FBRS: variants seen among roughly 807,000 people sequenced by gnomAD.
FBRS encodes fibrosin, also known as probable fibrosin-1.
FBRS carries 15 observed loss-of-function variants against 86.1 expected under a neutral mutation model. The ratio of observed to expected loss-of-function variants is 0.17; its 90% confidence interval spans 0.12 to 0.27. The LOEUF (loss-of-function observed/expected upper bound fraction) is 0.27, where lower values mean the gene tolerates loss of function less well. FBRS is among the 10% of genes least tolerant of loss of function. The pLI is 1.00. For missense variants in FBRS, 1,367 were observed against 1,301.6 expected, an observed-to-expected ratio of 1.05 and a Z score of -0.77; for synonymous variants, 666 against 575.8, an observed-to-expected ratio of 1.16 and a Z score of -2.24.
Position 30,669,325 on chromosome 16 carries a change from C to A in FBRS, c.2623C>A (p.Arg875Ser). The A allele has an allele frequency of 1.9e-6, 3 of 1,610,758 alleles. No individual in the cohort carries two copies. Among genetic ancestry groups the A allele is most frequent in the South Asian group, 2.2e-5 (2 of 90,954 alleles). Residue 875 changes from arginine to serine, a missense_variant, in exon 18 of 18, where the codon CGC becomes AGC. Arg to Ser is a moderately radical substitution (Grantham distance 110). Coordinates refer to ENST00000356166, the MANE Select transcript of FBRS (RefSeq NM_001105079.3). This position sits in a 1 kb window ranked among gnomAD's most constrained non-coding sequence, Gnocchi z 5.9. ...PPFLGPSPPD[R>S]CAGFLEPTWL... The stretch of plus-strand genomic sequence containing the variant: ...GTTTCTGGGCCCTAGCCCACCAGAT[C>A]GCTGTGCTGGCTTCCTGGAGCCAAC...
At position 30,659,965 on chromosome 16, in the gene FBRS, C is replaced by T; in HGVS notation, c.447C>T (p.Leu149=). 6.5e-7 allele frequency: 1 copy of T among 1,549,910 alleles called. No homozygotes were observed. Among genetic ancestry groups the T allele is most frequent in the Non-Finnish European group, 8.7e-7 (1 of 1,146,798 alleles). Residue 149 remains leucine, a synonymous_variant, in exon 1 of 18, where the codon CTC becomes CTT. Coordinates refer to ENST00000356166, the MANE Select transcript of FBRS (RefSeq NM_001105079.3). ...TCGCCATCGCCAGCTTCGCCACCCT[C>T]GAGGCCTTGCAGGTGGGGCCTAATG... The part of the protein sequence containing the change: ...DGFAIASFAT[L]EALQKDASLQ...
At chr16:30,662,148 TTTTGG>T in intron 4 of FBRS, 1 of 450,008 alleles carries the variant, frequency 2.2e-6, no homozygotes, top group Non-Finnish European at 4.0e-6. Context: ...ACCTCTGACG[TTTTGG>T]TTTGGTTTGC....
chr16:30,670,367 C>T lies in FBRS; in HGVS notation c.*722C>T. The T allele has an allele frequency of 8.2e-6, 3 of 363,798 alleles. No individual in the cohort carries two copies. Among genetic ancestry groups the T allele is most frequent in the South Asian group, 4.1e-5 (2 of 48,912 alleles). 22.5% of individuals were successfully genotyped at this position (363,798 alleles called of 1,614,324 possible). On this transcript the variant is annotated 3_prime_UTR_variant, in exon 18 of 18. Transcript: ENST00000356166. ...GGGCAGAAGCTTCCTACTTGGCTGA[C>T]AGCCCCGGTTCCCCCAACATGTTCC...
Position 30,664,274 on chromosome 16 carries a change from C to T in FBRS, c.1115C>T (p.Ser372Leu). 6.7e-7 allele frequency: 1 copy of T among 1,487,782 alleles called. No individual in the cohort carries two copies. The highest frequency in any genetic ancestry group is 9.0e-7 in the Non-Finnish European group (1 of 1,109,148). The allele number at this position is 1,487,782 out of a possible 1,614,324, so 92.2% of individuals were successfully genotyped here. ...APPVAQPPPS[S>L]SSSSSSSSSA... ...CCCGTGGCTCAGCCTCCCCCCTCAT[C>T]ATCCTCTTCGTCCTCCTCCTCCTCA... The change falls in exon 7 of 18, where the codon TCA becomes TTA. Residue 372 changes from serine to leucine, a missense_variant. Physicochemically the swap from Ser to Leu is moderately radical, Grantham distance 145. Coordinates refer to ENST00000356166, the MANE Select transcript of FBRS (RefSeq NM_001105079.3).
chr16:30,662,692 G>A lies in FBRS; in HGVS notation c.888G>A (p.Lys296=). The A allele has an allele frequency of 1.3e-6, 2 of 1,549,220 alleles. No homozygotes were observed. Among genetic ancestry groups the A allele is most frequent in the Non-Finnish European group, 1.7e-6 (2 of 1,146,170 alleles). ...CGCTGCTAGTGCCTTTCCCCCCAAA[G>A]GAACCACCGCCTCCACCGGTCCCTC... ...PDPLLVPFPP[K]EPPPPPVPRP... Residue 296 remains lysine, a synonymous_variant, in exon 6 of 18, where the codon AAG becomes AAA. Transcript: ENST00000356166.
In FBRS at chr16:30,667,446, G is replaced by A; in HGVS notation, c.1993+9G>A. 2 of 1,534,138 alleles carry A rather than the reference G, an allele frequency of 1.3e-6. No homozygotes were observed. Among genetic ancestry groups the A allele is most frequent in the Non-Finnish European group, 8.8e-7 (1 of 1,135,654 alleles). On this transcript the variant is annotated intron_variant, in intron 14 of 17. Coordinates refer to ENST00000356166, the MANE Select transcript of FBRS (RefSeq NM_001105079.3). ...CCTCTTCACTGCGACTGGTGAGTCT[G>A]GCCAGCCCCCTCGGGCCTGAGGTTC...
Position 30,667,383 on chromosome 16 carries a change from G to T in FBRS, c.1939G>T (p.Ala647Ser). 6.4e-7 allele frequency: 1 copy of T among 1,552,966 alleles called. No individual in the cohort carries two copies. Among genetic ancestry groups the T allele is most frequent in the Non-Finnish European group, 8.7e-7 (1 of 1,147,750 alleles). The part of the protein sequence containing the change: ...LLPCLPGPYG[A>S]LPPGQELSHP... ...GCCCTGCCTTCCGGGGCCCTATGGGGCCCTGCCCCCTGGGCAGGAGCTCTC... is the reference window on the plus strand; with the variant it reads ...GCCCTGCCTTCCGGGGCCCTATGGGTCCCTGCCCCCTGGGCAGGAGCTCTC... Residue 647 changes from alanine to serine, a missense_variant, in exon 14 of 18, where the codon GCC (alanine) becomes TCC (serine). By Grantham distance (99) the Ala-to-Ser change is moderately conservative (BLOSUM62 1). This residue lies in a region of FBRS where 659 missense variants were observed against 678.8 expected (regional missense o/e 0.97). Transcript: ENST00000356166.
At chr16:30,667,033 G>A (rs777393170) in intron 13 of FBRS, 43 bp downstream of exon 13, 2 of 1,559,006 alleles carry the variant, frequency 1.3e-6, no homozygotes, top group Non-Finnish European at 1.7e-6. Context: ...CTCAGAGTCA[G>A]GGGAGGACTG....
chr16:30,663,374 AGTGAT>A (rs1442059973), intron 6 of FBRS, among the ~76,000 whole-genome samples: 3 of 152,314 alleles, frequency 2.0e-5, no homozygotes, highest in African/African-American at 7.2e-5. Flanking sequence ...ATTCAGCGTC[AGTGAT>A]ATATGGGATG....
rs946791465 is a variant in FBRS at position 30,660,266 on chromosome 16, G to A, written c.463G>A (p.Asp155Asn). The A allele has an allele frequency of 6.1e-6, 8 of 1,320,142 alleles. No homozygotes were observed. Among genetic ancestry groups the A allele is most frequent in the South Asian group, 4.5e-5 (2 of 44,818 alleles). 81.8% of individuals were successfully genotyped at this position (1,320,142 alleles called of 1,614,324 possible). Residue 155 changes from aspartate to asparagine, a missense_variant, in exon 2 of 18, where the codon GAT becomes AAT. By Grantham distance (23) the Asp-to-Asn change is conservative. Around this residue, in one of 3 missense-constraint regions of FBRS, gnomAD observed 702 missense variants for 598.7 expected, o/e 1.17. Coordinates refer to ENST00000356166, the MANE Select transcript of FBRS (RefSeq NM_001105079.3). Reference protein sequence around the residue: ...SFATLEALQKDASLQPPERLE... With the variant: ...SFATLEALQKNASLQPPERLE... ...AGCCCCACCTCCTCCTCCACAGAAG[G>A]ATGCATCTCTTCAGCCCCCAGAGCG...
At chr16:30,666,606 G>A in intron 12 of FBRS, 65 bp downstream of exon 12, 3 of 1,611,442 alleles carry the variant, frequency 1.9e-6, no homozygotes, top group Non-Finnish European at 2.5e-6. Flanking sequence ...TTTGGCTAAG[G>A]GGGGTTTTGC....
chr16:30,668,267 C>T (rs995021482), intron 15 of FBRS: 15 of 406,710 alleles, frequency 3.7e-5, no homozygotes, highest in Middle Eastern at 6.4e-4. Context: ...GGGTTGGTAC[C>T]GCTCCCTGGC....
Position 30,664,529 on chromosome 16 carries a change from T to A in FBRS, c.1357+13T>A, listed in dbSNP as rs2052499080. 1.4e-6 allele frequency: 2 copies of A among 1,417,242 alleles called. No individual in the cohort carries two copies. Among genetic ancestry groups the A allele is most frequent in the Non-Finnish European group, 1.8e-6 (2 of 1,089,344 alleles). The allele number at this position is 1,417,242 out of a possible 1,614,324, so 87.8% of individuals were successfully genotyped here. A position where few individuals can be genotyped will look rare whatever the true frequency, so the allele number is the denominator to read the frequency against. ...AACGCCCTTTCTGGTGAGTTTGGGG[T>A]CCTGGCCGGGGGGTGGGGGGCCATC... is the stretch of plus-strand genomic sequence containing the variant. On this transcript the variant is annotated intron_variant, in intron 7 of 17. Coordinates refer to ENST00000356166, the MANE Select transcript of FBRS (RefSeq NM_001105079.3).
intron 16 of FBRS, 64 bp downstream of exon 16, chr16:30,668,707 G>A (rs2052552132): frequency 6.3e-7 from 1 of 1,585,092 alleles, no homozygotes; most frequent in Non-Finnish European, 8.6e-7. Flanking sequence ...GACGGTCTGG[G>A]AGGAGGCCTG....
At position 30,665,912 on chromosome 16, in the gene FBRS, G is replaced by A. The variant is rs1000924805; in HGVS notation, c.1773+206G>A. ...TTTCATGAGCTTGTCCCAGAAATAG[G>A]ATGATTAGGACAATGGTTTTTGTAG... On this transcript the variant is annotated intron_variant, in intron 11 of 17. Transcript: ENST00000356166. This position sits in a 1 kb window ranked among gnomAD's most constrained non-coding sequence, Gnocchi z 4.1. The A allele has an allele frequency of 5.3e-6, 3 of 562,474 alleles. No homozygotes were observed. Among genetic ancestry groups the A allele is most frequent in the Non-Finnish European group, 9.4e-6 (3 of 318,118 alleles). 34.8% of individuals were successfully genotyped at this position (562,474 alleles called of 1,614,324 possible).
At position 30,665,345 on chromosome 16, in the gene FBRS, C is replaced by A; in HGVS notation, c.1648C>A (p.Pro550Thr). Residue 550 changes from proline (P) to threonine (T), a missense_variant, in exon 10 of 18, where the codon CCG becomes ACG. Physicochemically the swap from Pro to Thr is conservative, Grantham distance 38 (BLOSUM62 -1). This residue lies in a region of FBRS where 659 missense variants were observed against 678.8 expected (regional missense o/e 0.97). Transcript: ENST00000356166. This position sits in a 1 kb window ranked among gnomAD's most constrained non-coding sequence, Gnocchi z 4.1. ...CCCTCCCGCAGTGCCCGGGCTGCCT[C>A]CGGGCCTCCCGCCGGCCGTCTCCTT... ...AFPPAVPGLP[P>T]GLPPAVSFGS... is the part of the protein sequence containing the mutation. The A allele has an allele frequency of 6.4e-7, 1 of 1,566,630 alleles. No individual in the cohort carries two copies.
Position 30,662,779 on chromosome 16 carries a change from G to A in FBRS, c.975G>A (p.Gln325=). 6.7e-7 allele frequency: 1 copy of A among 1,503,006 alleles called. No homozygotes were observed. The highest frequency in any genetic ancestry group is 8.9e-7 in the Non-Finnish European group (1 of 1,120,546). The allele number at this position is 1,503,006 out of a possible 1,614,324, so 93.1% of individuals were successfully genotyped here. ...PATPSLPPPP[Q]PQLQLRVSPF... is the part of the protein sequence containing the mutation. The stretch of plus-strand genomic sequence containing the variant: ...CTCCCAGTCTGCCACCCCCACCCCA[G>A]CCCCAGCTGCAGCTTCGGGTCTCAC... Residue 325 remains glutamine, a synonymous_variant, in exon 6 of 18, where the codon CAG becomes CAA. Coordinates refer to ENST00000356166, the MANE Select transcript of FBRS (RefSeq NM_001105079.3).
At chr16:30,664,161 C>T (rs1037036110) in intron 6 of FBRS, 54 bp from the exon 7 acceptor site, 13 of 1,292,520 alleles carry the variant, frequency 1.0e-5, no homozygotes, top group East Asian at 3.1e-5. Context: ...GACCCCCTCC[C>T]GTCAGAGCTG....
intron 13 of FBRS, 112 bp downstream of exon 13, chr16:30,667,102 C>T: frequency 8.7e-7 from 1 of 1,146,410 alleles, no homozygotes. Context: ...AACATTCTCT[C>T]CTGTCCCCCA....
Sources: allele counts gnomAD v4.1 joint callset (sites outside exome capture counted in the v4.1 genomes callset), GRCh38; gene constraint gnomAD v4.1.1; regional missense constraint gnomAD v4.1.1; non-coding constraint Gnocchi (gnomAD v3.1); transcripts MANE v1.5; gene names NCBI Gene and HGNC (gene_info 2026-07-23, HGNC 2026-07-21).